CADM2: variants seen among roughly 807,000 people sequenced by gnomAD.
CADM2 encodes the protein cell adhesion molecule 2.
A neutral mutation model predicts 49.8 loss-of-function variants in CADM2; 12 were observed. The ratio of observed to expected loss-of-function variants is 0.24; its 90% CI spans 0.15 to 0.39. The LOEUF (loss-of-function observed/expected upper bound fraction) is 0.39, where lower values mean the gene tolerates loss of function less well. CADM2 is among the 10% of genes least tolerant of loss of function. The pLI is 1.00. For missense variants in CADM2, 378 were observed against 492.3 expected, an observed-to-expected ratio of 0.77 and a Z score of 2.20; for synonymous variants, 214 against 175.4, an observed-to-expected ratio of 1.22 and a Z score of -1.74.
At chr3:85,812,409 T>C (rs1577371376) in intron 3 of CADM2, among the ~76,000 whole-genome samples, 1 of 152,152 alleles carries the variant, frequency 6.6e-6, no homozygotes. Context: ...AACAATGTAC[T>C]GCACCGGGGC....
Position 85,704,878 on chromosome 3 carries a change from T to G in CADM2, c.62-21644T>G, listed in dbSNP as rs574786498. Among the ~76,000 whole-genome samples, 338 of 150,478 alleles carry G rather than the reference T, an allele frequency of 2.2e-3. 1 individual carries two copies. The highest frequency in any genetic ancestry group is 7.9e-3 in the African/African-American group (324 of 41,082). ...TATTATTATTATTATTTTTTTTTTT[T>G]GATGGAGTCTCGCTCTGTCGTCCAG... On this transcript the variant is annotated intron_variant, in intron 1 of 9. Transcript: ENST00000383699.
chr3:84,959,607 C>T lies in CADM2; in HGVS notation c.-1C>T. ...TTCCCCAGCCCTTTAGAGAAGGGAC[C>T]ATGATTTGGAAACGCAGCGCCGTTC... On this transcript the variant is annotated 5_prime_UTR_variant, in exon 1 of 10. Transcript: ENST00000383699. 1 of 1,537,094 alleles carries T rather than the reference C, an allele frequency of 6.5e-7. No individual in the cohort carries two copies. Among genetic ancestry groups the T allele is most frequent in the Non-Finnish European group, 8.7e-7 (1 of 1,146,858 alleles).
At chr3:85,028,235 G>A (rs561561033) in intron 1 of CADM2, among the ~76,000 whole-genome samples, 1 of 152,224 alleles carries the variant, frequency 6.6e-6, no homozygotes, top group African/African-American at 2.4e-5. Flanking sequence ...ACATATTTTA[G>A]AGGCAGGATT....
At chr3:85,379,583 A>G (rs924945131) in intron 1 of CADM2, among the ~76,000 whole-genome samples, 2 of 151,920 alleles carry the variant, frequency 1.3e-5, no homozygotes, top group African/African-American at 4.8e-5. Flanking sequence ...TAATGATATC[A>G]GCTGTATAAT....
chr3:85,684,506 T>C (rs1158697766), intron 1 of CADM2, among the ~76,000 whole-genome samples: 2 of 151,566 alleles, frequency 1.3e-5, no homozygotes, highest in Non-Finnish European at 2.9e-5. Flanking sequence ...TCAAAGACAT[T>C]TGGACAGAGA....
chr3:85,893,390 A>T (rs559091112), intron 5 of CADM2, among the ~76,000 whole-genome samples: 65 of 152,340 alleles, frequency 4.3e-4, no homozygotes, highest in African/African-American at 1.5e-3. Context: ...AACCATAAAA[A>T]CCCTAGAAGA....
intron 1 of CADM2, among the ~76,000 whole-genome samples, chr3:85,430,695 G>A (rs1002607791): frequency 2.6e-4 from 37 of 142,782 alleles, no homozygotes; most frequent in Admixed American, 9.2e-4. Flanking sequence ...GAAACAAAGA[G>A]GGGTGGGGGC....
chr3:86,041,753 T>C (rs1375134125), intron 8 of CADM2, among the ~76,000 whole-genome samples: 5 of 151,852 alleles, frequency 3.3e-5, no homozygotes, highest in Non-Finnish European at 5.9e-5. Context: ...TACAGAACTT[T>C]CCCCCCAAAT....
intron 8 of CADM2, chr3:86,014,332 A>G (rs1273131383): frequency 3.6e-6 from 5 of 1,384,110 alleles, no homozygotes; most frequent in Non-Finnish European, 4.8e-6. Flanking sequence ...TTTGGGGAAA[A>G]TCTCCAGGGG....
chr3:85,576,381 A>G (rs769494511), intron 1 of CADM2, among the ~76,000 whole-genome samples: 2 of 152,132 alleles, frequency 1.3e-5, no homozygotes, highest in Non-Finnish European at 2.9e-5. Context: ...AGAACATCCG[A>G]CGATTGCTGG....
intron 1 of CADM2, among the ~76,000 whole-genome samples, chr3:85,520,451 A>T (rs2061005190): frequency 6.6e-6 from 1 of 152,044 alleles, no homozygotes; most frequent in African/African-American, 2.4e-5. Context: ...CTGAATTTTT[A>T]TAACTACTAA....
chr3:86,023,149 T>C (rs1282586953), intron 8 of CADM2, among the ~76,000 whole-genome samples: 1 of 152,164 alleles, frequency 6.6e-6, no homozygotes, highest in Non-Finnish European at 1.5e-5. Context: ...AAAAATGCAA[T>C]GTGCTACACA....
In CADM2 at chr3:85,724,139, G is replaced by A. The variant is rs975904337; in HGVS notation, c.62-2383G>A. On this transcript the variant is annotated intron_variant, in intron 1 of 9. Transcript: ENST00000383699. ...CCAATTAAAACAAATAGTAGGTAAAGTTAAATAAACCAATTTATGATTTTA... is the reference window on the plus strand; with the variant it reads ...CCAATTAAAACAAATAGTAGGTAAAATTAAATAAACCAATTTATGATTTTA... Among the ~76,000 whole-genome samples the A allele has an allele frequency of 2.0e-5, 3 of 151,956 alleles. No individual in the cohort carries two copies. The East Asian group carries it at 5.8e-4, about 29-fold the overall frequency.
At chr3:85,650,417 A>G (rs1471382492) in intron 1 of CADM2, among the ~76,000 whole-genome samples, 1 of 152,058 alleles carries the variant, frequency 6.6e-6, no homozygotes, top group Non-Finnish European at 1.5e-5. Flanking sequence ...ATTAGTTTCA[A>G]AACAGCATTT....
At chr3:85,678,877 GGTGGC>G (rs1330334930) in intron 1 of CADM2, among the ~76,000 whole-genome samples, 1 of 152,060 alleles carries the variant, frequency 6.6e-6, no homozygotes, top group Non-Finnish European at 1.5e-5. Context: ...ATCTGAGGTG[GGTGGC>G]TCCTGGCATC....
At chr3:85,134,048 C>G (rs1415443162) in intron 1 of CADM2, among the ~76,000 whole-genome samples, 1 of 152,238 alleles carries the variant, frequency 6.6e-6, no homozygotes, top group Admixed American at 6.5e-5. Context: ...GAGCGCAGCG[C>G]CGGTGGGCTG....
intron 1 of CADM2, among the ~76,000 whole-genome samples, chr3:85,273,577 C>T (rs1475849961): frequency 1.3e-5 from 2 of 148,228 alleles, no homozygotes; most frequent in African/African-American, 5.2e-5. Flanking sequence ...AATATTAAAG[C>T]GAAGGAGGAC....
At chr3:85,195,542 G>GACACACACAC (rs71108270) in intron 1 of CADM2, among the ~76,000 whole-genome samples, 14 of 146,874 alleles carry the variant, frequency 9.5e-5, no homozygotes, top group African/African-American at 2.5e-4. Context: ...AAACCAGCAA[G>GACACACACAC]ACACACACAC....
intron 8 of CADM2, among the ~76,000 whole-genome samples, chr3:85,997,464 A>G (rs913041233): frequency 6.6e-6 from 1 of 152,146 alleles, no homozygotes; most frequent in Admixed American, 6.5e-5. Flanking sequence ...TTTTCCTTGA[A>G]CTACTACTGG....
Sources: allele counts gnomAD v4.1 joint callset (sites outside exome capture counted in the v4.1 genomes callset), GRCh38; gene constraint gnomAD v4.1.1; transcripts MANE v1.5; gene names NCBI Gene and HGNC (gene_info 2026-07-23, HGNC 2026-07-21).